GC: variants seen among roughly 807,000 people sequenced by gnomAD.
GC encodes vitamin D-binding protein.
A neutral mutation model predicts 56.7 loss-of-function variants in GC; 43 were observed. That is an observed-to-expected ratio of 0.76 (90% CI 0.59 to 0.98). GC has a LOEUF of 0.98. GC is among the 50% of genes least tolerant of loss of function. GC has a pLI of 0.00. For synonymous variants in GC, 216 were observed against 202.7 expected (o/e 1.07, Z -0.56); for missense variants, 529 against 545.9 (o/e 0.97, Z 0.31).
upstream of GC, among the ~76,000 whole-genome samples, chr4:71,805,321 T>C (rs2220664): frequency 3.5e-4 from 54 of 152,210 alleles, no homozygotes; most frequent in African/African-American, 7.2e-4. Context: ...CCATTACTTA[T>C]TGACTGGGCA....
chr4:71,742,486 C>A (rs1741216017), intron 12 of GC, among the ~76,000 whole-genome samples: 2 of 152,190 alleles, frequency 1.3e-5, no homozygotes, highest in South Asian at 4.1e-4. Flanking sequence ...TGTTCCCTCA[C>A]AGCCTCAGTT....
At chr4:71,767,772 G>A (rs905320732) in intron 3 of GC, among the ~76,000 whole-genome samples, 1 of 151,824 alleles carries the variant, frequency 6.6e-6, no homozygotes, top group African/African-American at 2.4e-5. Flanking sequence ...CCGGAGCCGT[G>A]TACAGTGTAC....
At chr4:71,742,422 T>C (rs1741212457) in intron 12 of GC, among the ~76,000 whole-genome samples, 1 of 152,254 alleles carries the variant, frequency 6.6e-6, no homozygotes, top group South Asian at 2.1e-4. Context: ...CCATGTTTCA[T>C]TGTCTTCAAC....
At chr4:71,762,670 T>C (rs1411040129) in intron 6 of GC, among the ~76,000 whole-genome samples, 1 of 152,106 alleles carries the variant, frequency 6.6e-6, no homozygotes, top group East Asian at 1.9e-4. Context: ...TTGGGGTGGG[T>C]CTTTCCTGTG....
rs549349033 is a variant in GC, at chr4:71,791,579, T to C, written c.22-7525A>G. On this transcript the variant is annotated intron_variant, in intron 1 of 13. Transcript: ENST00000504199. ...TGAACTTAAAATATCTCTACATTTATTTACTTATTCTTTGATTTGTTTCAT... is the reference window on the plus strand; with the variant it reads ...TGAACTTAAAATATCTCTACATTTACTTACTTATTCTTTGATTTGTTTCAT... Among the ~76,000 whole-genome samples, 52 of 152,212 alleles carry C rather than the reference T, an allele frequency of 3.4e-4. 1 individual carries two copies. The South Asian group carries it at 8.5e-3, about 25-fold the overall frequency.
Position 71,796,750 on chromosome 4 carries a change from G to T in GC, c.21+7176C>A, listed in dbSNP as rs184601597. Among the ~76,000 whole-genome samples, 501 of 152,258 alleles carry T rather than the reference G, an allele frequency of 3.3e-3. 3 individuals carry two copies. The highest frequency in any genetic ancestry group is 0.011 in the African/African-American group (454 of 41,550). On this transcript the variant is annotated intron_variant, in intron 1 of 13. Transcript: ENST00000504199. ...CCTTTGGAGGAGAAGAGGTGCTCTGGTTTTTAGAATTTTCAGCTTTTCTGC... is the reference window on the plus strand; with the variant it reads ...CCTTTGGAGGAGAAGAGGTGCTCTGTTTTTTAGAATTTTCAGCTTTTCTGC...
In GC at chr4:71,750,768, C is replaced by G. The variant is rs557773830; in HGVS notation, c.1395+1750G>C. On this transcript the variant is annotated intron_variant, in intron 11 of 12. Coordinates refer to ENST00000273951, the MANE Select transcript of GC (RefSeq NM_000583.4). ...GGCGTGGTGGTGGGCACCTATAATA[C>G]CAGCTACTCGGGAGGCTGAGGCAGG... is the stretch of plus-strand genomic sequence containing the variant. Among the ~76,000 whole-genome samples, 3 of 152,040 alleles carry G rather than the reference C, an allele frequency of 2.0e-5. No individual in the cohort carries two copies. In the East Asian group the frequency reaches 5.8e-4, roughly 29 times the overall value.
At chr4:71,752,237 A>T (rs1198378228) in intron 11 of GC, among the ~76,000 whole-genome samples, 1 of 152,200 alleles carries the variant, frequency 6.6e-6, no homozygotes, top group East Asian at 1.9e-4. Context: ...TTTGTAAAAC[A>T]CTACACATAC....
intron 1 of GC, among the ~76,000 whole-genome samples, chr4:71,793,323 CT>C (rs1173749658): frequency 6.6e-6 from 1 of 151,996 alleles, no homozygotes; most frequent in African/African-American, 2.4e-5. Context: ...TGTTTGTGTC[CT>C]CTTATTTTGT....
At chr4:71,752,114 A>G (rs1741576425) in intron 11 of GC, among the ~76,000 whole-genome samples, 1 of 152,146 alleles carries the variant, frequency 6.6e-6, no homozygotes, top group Non-Finnish European at 1.5e-5. Flanking sequence ...ATACAGATAT[A>G]TGAAATACAA....
chr4:71,770,859 G>A (rs1402438432), intron 1 of GC, among the ~76,000 whole-genome samples: 1 of 152,098 alleles, frequency 6.6e-6, no homozygotes, highest in Non-Finnish European at 1.5e-5. Context: ...ATTTGAGAGG[G>A]AACAGAAAAA....
chr4:71,765,478 C>T lies in GC; in HGVS notation c.427G>A (p.Glu143Lys). The T allele has an allele frequency of 6.2e-7, 1 of 1,614,002 alleles. No homozygotes were observed. Among genetic ancestry groups the T allele is most frequent in the African/African-American group, 1.3e-5 (1 of 75,036 alleles). Residue 143 changes from glutamate to lysine, a missense_variant, in exon 4 of 13, where the codon GAA (glutamate) becomes AAA (lysine). Physicochemically the swap from Glu to Lys is moderately conservative, Grantham distance 56 (BLOSUM62 1). Coordinates refer to ENST00000273951, the MANE Select transcript of GC (RefSeq NM_000583.4). ...FPTYVEPTNDEICEAFRKDPK... is the reference protein window; with the variant it reads ...FPTYVEPTNDKICEAFRKDPK... Reference sequence around the variant, plus strand: ...TCTTTCCTGAACGCCTCACAGATTTCATCATTTGTGGGTTCCACGTAGGTA... The same window carrying T: ...TCTTTCCTGAACGCCTCACAGATTTTATCATTTGTGGGTTCCACGTAGGTA...
At chr4:71,784,395 G>GGGGAGAA, upstream of GC, 1 of 902,126 alleles carries the variant, frequency 1.1e-6, no homozygotes, top group Non-Finnish European at 1.3e-6. Context: ...CCCTGTATAG[G>GGGGAGAA]GCTGTGTGTC....
chr4:71,789,042 AT>A (rs1166740435), upstream of GC, among the ~76,000 whole-genome samples: 1 of 151,978 alleles, frequency 6.6e-6, no homozygotes, highest in East Asian at 1.9e-4. Context: ...ACAGGTCTGA[AT>A]ATTAAAACTG....
intron 1 of GC, among the ~76,000 whole-genome samples, chr4:71,778,471 T>G (rs1379620548): frequency 1.3e-5 from 2 of 151,940 alleles, no homozygotes; most frequent in African/African-American, 4.8e-5. Flanking sequence ...TGCTCAGTGG[T>G]GAAAACTGAG....
At chr4:71,797,622 C>T (rs946947474) in intron 1 of GC, among the ~76,000 whole-genome samples, 1 of 152,232 alleles carries the variant, frequency 6.6e-6, no homozygotes, top group African/African-American at 2.4e-5. Context: ...CCCCTTGCAC[C>T]TCCTGACTGA....
intron 1 of GC, among the ~76,000 whole-genome samples, chr4:71,791,937 T>C (rs964352722): frequency 6.6e-6 from 1 of 152,218 alleles, no homozygotes; most frequent in Non-Finnish European, 1.5e-5. Flanking sequence ...GTCCTTGTGA[T>C]AGTTTGCTCA....
Position 71,742,968 on chromosome 4 carries a change from C to T in GC, c.*26-1098G>A, listed in dbSNP as rs554460318. 1.2e-4 allele frequency among the ~76,000 whole-genome samples: 19 copies of T among 152,062 alleles called. No homozygotes were observed. The South Asian group carries it at 3.3e-3, about 27-fold the overall frequency. On this transcript the variant is annotated intron_variant, in intron 12 of 12. Coordinates refer to ENST00000273951, the MANE Select transcript of GC (RefSeq NM_000583.4). ...CAGACTGGGCGACAGAGTGAGATTC[C>T]GTCTTGGTGTGGGCAGGGTGGGGGG...
At chr4:71,768,547 C>A in intron 2 of GC, 114 bp from the exon 3 acceptor site, 1 of 788,540 alleles carries the variant, frequency 1.3e-6, no homozygotes, top group Non-Finnish European at 1.9e-6. Context: ...CAGCTCACTG[C>A]ACTCTCTGCC....
Sources: allele counts gnomAD v4.1 joint callset (sites outside exome capture counted in the v4.1 genomes callset), GRCh38; gene constraint gnomAD v4.1.1; transcripts MANE v1.5; gene names NCBI Gene and HGNC (gene_info 2026-07-23, HGNC 2026-07-21).